ACAP2: variants seen among roughly 807,000 people sequenced by gnomAD.
The protein encoded by ACAP2 is arf-GAP with coiled-coil, ANK repeat and PH domain-containing protein 2.
A neutral mutation model predicts 115.8 loss-of-function variants in ACAP2; 39 were observed. The ratio of observed to expected loss-of-function variants is 0.34; its 90% CI spans 0.26 to 0.44. The LOEUF is 0.44. ACAP2 is among the 20% of genes least tolerant of loss of function. The probability of loss-of-function intolerance (pLI) is 1.00; values close to 1 mark genes in which losing one functional copy is unlikely to be tolerated. For missense variants in ACAP2, 662 were observed against 927.6 expected (o/e 0.71, Z 3.72); for synonymous variants, 289 against 315.8 (o/e 0.92, Z 0.90).
At chr3:195,335,014 C>T (rs1452012201) in intron 7 of ACAP2, among the ~76,000 whole-genome samples, 1 of 152,100 alleles carries the variant, frequency 6.6e-6, no homozygotes, top group Non-Finnish European at 1.5e-5. Flanking sequence ...GGGCTCACCA[C>T]CTGTTTTTTG....
chr3:195,308,111 C>T (rs74288791), intron 11 of ACAP2, among the ~76,000 whole-genome samples: 3,264 of 152,168 alleles, frequency 0.021, 114 homozygotes, highest in East Asian at 0.1. Flanking sequence ...AAATAAGGTT[C>T]AGGAAAACAA....
chr3:195,396,515 C>T (rs144493209), intron 1 of ACAP2, among the ~76,000 whole-genome samples: 1,935 of 151,172 alleles, frequency 0.013, 30 homozygotes, highest in African/African-American at 0.043. Flanking sequence ...GGGCCGGGCA[C>T]GGTGGCTCAC....
At chr3:195,373,969 G>A (rs1484385489) in intron 4 of ACAP2, among the ~76,000 whole-genome samples, 1 of 152,132 alleles carries the variant, frequency 6.6e-6, no homozygotes, top group African/African-American at 2.4e-5. Context: ...GTGGAAACAT[G>A]AGGCTGAAAC....
chr3:195,349,419 T>C (rs1731395967), intron 4 of ACAP2, among the ~76,000 whole-genome samples: 1 of 151,986 alleles, frequency 6.6e-6, no homozygotes, highest in Non-Finnish European at 1.5e-5. Flanking sequence ...AGGCAGAGCT[T>C]GCAGTGAACC....
intron 4 of ACAP2, chr3:195,350,140 A>C (rs1278386909): frequency 6.6e-6 from 1 of 152,316 alleles, no homozygotes; most frequent in Non-Finnish European, 1.5e-5. Flanking sequence ...ACTTATTATT[A>C]GCAAAATGTT....
At chr3:195,320,000 T>C (rs903850240) in intron 10 of ACAP2, among the ~76,000 whole-genome samples, 2 of 152,134 alleles carry the variant, frequency 1.3e-5, no homozygotes, top group African/African-American at 4.8e-5. Flanking sequence ...GTTTCCCCCA[T>C]GCTGTTCTCA....
intron 10 of ACAP2, among the ~76,000 whole-genome samples, 199 bp from the exon 11 acceptor site, chr3:195,309,036 G>A (rs1329595344): frequency 2.0e-5 from 3 of 151,972 alleles, no homozygotes; most frequent in Non-Finnish European, 2.9e-5. Context: ...AAAACCACAG[G>A]TTAGGAAAAT....
rs578213753 is a variant in ACAP2, at chr3:195,340,517, A to T, written c.528+1954T>A. Among the ~76,000 whole-genome samples, 7 of 152,288 alleles carry T rather than the reference A, an allele frequency of 4.6e-5. No individual in the cohort carries two copies. The South Asian group carries it at 1.2e-3, about 27-fold the overall frequency. The stretch of plus-strand genomic sequence containing the variant: ...AGAAAAGAAAAGAATAAAACCAAAG[A>T]TGAAACCCTAAAAAGGAGAGTGAAA... On this transcript the variant is annotated intron_variant, in intron 6 of 22. Transcript: ENST00000326793.
At chr3:195,428,967 T>C (rs1279551239) in intron 1 of ACAP2, among the ~76,000 whole-genome samples, 1 of 152,168 alleles carries the variant, frequency 6.6e-6, no homozygotes, top group Non-Finnish European at 1.5e-5. Flanking sequence ...GTAAGAAAAT[T>C]TGTATAAGAA....
rs1255171423 is a variant in ACAP2, at chr3:195,301,953, C to G, written c.1325+13G>C. 6.2e-7 allele frequency: 1 copy of G among 1,608,704 alleles called. No homozygotes were observed. The highest frequency in any genetic ancestry group is 1.3e-5 in the African/African-American group (1 of 74,764). On this transcript the variant is annotated intron_variant, in intron 14 of 22. Transcript: ENST00000326793. ...CAAAAGAAGAAATTCTCATCCTGGG[C>G]AGGCCTACCCACCGGTGAATTCCGG...
intron 1 of ACAP2, among the ~76,000 whole-genome samples, chr3:195,404,674 C>T (rs968018056): frequency 2.7e-5 from 4 of 149,578 alleles, no homozygotes; most frequent in Admixed American, 1.3e-4. Context: ...CACACACACA[C>T]ATATATATTT....
At chr3:195,433,105 C>T (rs1715264050) in intron 1 of ACAP2, among the ~76,000 whole-genome samples, 1 of 152,160 alleles carries the variant, frequency 6.6e-6, no homozygotes, top group Non-Finnish European at 1.5e-5. Flanking sequence ...CCACCCCCTG[C>T]ACTACCCACT....
chr3:195,298,188 C>A (rs1359801918), intron 15 of ACAP2, among the ~76,000 whole-genome samples: 2 of 150,932 alleles, frequency 1.3e-5, no homozygotes, highest in African/African-American at 2.4e-5. Context: ...CTGGACCCAA[C>A]AACAGGAGTG....
intron 4 of ACAP2, among the ~76,000 whole-genome samples, chr3:195,366,145 CTT>C (rs1732707726): frequency 6.6e-6 from 1 of 152,090 alleles, no homozygotes; most frequent in East Asian, 1.9e-4. Context: ...ATGTCTGGCC[CTT>C]CTACCTGTAC....
chr3:195,397,182 A>G (rs532345226), intron 1 of ACAP2, among the ~76,000 whole-genome samples: 1 of 152,346 alleles, frequency 6.6e-6, no homozygotes, highest in African/African-American at 2.4e-5. Context: ...TAAATTGAAT[A>G]ACCGTTTAGA....
At chr3:195,406,792 T>A (rs1031313233) in intron 1 of ACAP2, among the ~76,000 whole-genome samples, 20 of 152,194 alleles carry the variant, frequency 1.3e-4, no homozygotes, top group Admixed American at 4.6e-4. Context: ...CAGTTAGTCA[T>A]GAACTTACCT....
chr3:195,302,809 G>A (rs189278291), intron 13 of ACAP2, among the ~76,000 whole-genome samples: 7 of 152,290 alleles, frequency 4.6e-5, no homozygotes, highest in East Asian at 3.9e-4. Flanking sequence ...TTTTTTGGCC[G>A]AGAGCGGTGT....
chr3:195,377,163 G>GTTTTTTTTTTTTT (rs1412992193), intron 4 of ACAP2, among the ~76,000 whole-genome samples: 1 of 37,304 alleles, frequency 2.7e-5, no homozygotes, highest in Non-Finnish European at 4.5e-5. Flanking sequence ...TTTTTTTTTG[G>GTTTTTTTTTTTTT]AAACAAGGTC....
chr3:195,404,717 C>T (rs1378008989), intron 1 of ACAP2, among the ~76,000 whole-genome samples: 2 of 140,572 alleles, frequency 1.4e-5, no homozygotes, highest in African/African-American at 5.4e-5. Context: ...TTTATATACA[C>T]ACACGCACAT....
Sources: gnomAD v4.1 joint callset for allele counts (sites outside exome capture counted in the v4.1 genomes callset) on GRCh38, gnomAD v4.1.1 for gene constraint, MANE v1.5 for transcripts, NCBI Gene and HGNC (gene_info 2026-07-23, HGNC 2026-07-21) for gene names.